The following SLCO6A1 variants were observed in gnomAD, a reference collection of about 807,000 sequenced individuals.
SLCO6A1 encodes solute carrier organic anion transporter family member 6A1.
SLCO6A1 carries 65 observed loss-of-function variants against 72.7 expected under a neutral mutation model. The ratio of observed to expected loss-of-function variants is 0.89; its 90% CI spans 0.73 to 1.10. SLCO6A1 has a LOEUF of 1.10. Ranked by LOEUF, SLCO6A1 falls within the 50% of genes least tolerant of loss-of-function variation. SLCO6A1 has a pLI of 0.00. For missense variants in SLCO6A1, 874 were observed against 872.6 expected (o/e 1.00, Z -0.02); for synonymous variants, 314 against 298.2 (o/e 1.05, Z -0.55).
At chr5:102,445,625 G>A (rs1750067313) in intron 6 of SLCO6A1, among the ~76,000 whole-genome samples, 1 of 152,016 alleles carries the variant, frequency 6.6e-6, no homozygotes, top group Non-Finnish European at 1.5e-5. Context: ...TGTTTTCAGA[G>A]TCTCCATCGT....
intron 8 of SLCO6A1, among the ~76,000 whole-genome samples, chr5:102,418,773 C>T (rs1436042599): frequency 6.6e-6 from 1 of 152,074 alleles, no homozygotes; most frequent in East Asian, 1.9e-4. Context: ...TTACCCAGCA[C>T]ACTCTAAACT....
At chr5:102,452,009 T>C (rs1240130486) in intron 6 of SLCO6A1, among the ~76,000 whole-genome samples, 1 of 152,250 alleles carries the variant, frequency 6.6e-6, no homozygotes, top group African/African-American at 2.4e-5. Context: ...GATGACTAAA[T>C]AATTTGGACA....
Position 102,498,810 on chromosome 5 carries a change from T to G in SLCO6A1, c.35A>C (p.Gln12Pro), listed in dbSNP as rs764776838. The change falls in exon 1 of 14, where the codon CAG becomes CCG. Residue 12 changes from glutamine (Q) to proline (P), a missense_variant. Physicochemically the swap from Gln to Pro is moderately conservative, Grantham distance 76 (BLOSUM62 -1). Transcript: ENST00000506729. ...CTCTACTCCCCTTGAGACTTCATCC[T>G]GGCTCCCAGAGTGCCGGGCGACGCC... The part of the protein sequence containing the change: ...FVGVARHSGS[Q>P]DEVSRGVEPL... The G allele has an allele frequency of 8.1e-6, 13 of 1,613,136 alleles. No individual in the cohort carries two copies. Among genetic ancestry groups the G allele is most frequent in the Non-Finnish European group, 1.0e-5 (12 of 1,179,824 alleles).
At chr5:102,406,216 T>C (rs537861966) in intron 9 of SLCO6A1, among the ~76,000 whole-genome samples, 7 of 152,154 alleles carry the variant, frequency 4.6e-5, no homozygotes, top group African/African-American at 1.7e-4. Context: ...AATCCATTAC[T>C]CTATGCTGGC....
chr5:102,447,173 T>A (rs11959328), intron 6 of SLCO6A1, among the ~76,000 whole-genome samples: 4,161 of 152,306 alleles, frequency 0.027, 182 homozygotes, highest in African/African-American at 0.094. Context: ...CATTTAGTGA[T>A]TTGTGTATGT....
At chr5:102,424,496 T>C (rs987599906) in intron 7 of SLCO6A1, among the ~76,000 whole-genome samples, 1 of 152,168 alleles carries the variant, frequency 6.6e-6, no homozygotes, top group South Asian at 2.1e-4. Flanking sequence ...TAAACACTTC[T>C]ATGCAAATAA....
chr5:102,459,904 C>T (rs1368301504), intron 4 of SLCO6A1, 127 bp from the exon 5 acceptor site: 4 of 717,246 alleles, frequency 5.6e-6, no homozygotes, highest in African/African-American at 1.9e-5. Context: ...AGAAATGGAA[C>T]TTTTTTTGTT....
intron 10 of SLCO6A1, among the ~76,000 whole-genome samples, chr5:102,391,800 A>T (rs1273300311): frequency 1.3e-5 from 2 of 152,044 alleles, no homozygotes; most frequent in African/African-American, 4.8e-5. Context: ...TTGACCTGTG[A>T]CTACTACACT....
At chr5:102,470,992 G>A (rs1751579456) in intron 4 of SLCO6A1, among the ~76,000 whole-genome samples, 1 of 152,040 alleles carries the variant, frequency 6.6e-6, no homozygotes, top group Non-Finnish European at 1.5e-5. Context: ...CCTCTGATTA[G>A]CCAAGATGTT....
chr5:102,436,559 T>C (rs987535847), intron 7 of SLCO6A1, among the ~76,000 whole-genome samples: 2 of 152,056 alleles, frequency 1.3e-5, no homozygotes, highest in East Asian at 3.9e-4. Flanking sequence ...TTACAGGGAG[T>C]GTAATTCGCA....
In SLCO6A1 at chr5:102,420,038, GAA is replaced by G. The variant is rs1330198406; in HGVS notation, c.1277-19_1277-18del. On this transcript the variant is annotated intron_variant, in intron 7 of 13. Coordinates refer to ENST00000506729, the MANE Select transcript of SLCO6A1 (RefSeq NM_173488.5). ...AAACAAGTCCTAAAAAAAAGGAGGA[GAA>G]AAACACAGTTAAAAATAATCAGCTG... The G allele has an allele frequency of 1.3e-6, 2 of 1,547,492 alleles. No individual in the cohort carries two copies. The highest frequency in any genetic ancestry group is 1.7e-6 in the Non-Finnish European group (2 of 1,155,428).
intron 9 of SLCO6A1, among the ~76,000 whole-genome samples, chr5:102,402,196 G>A (rs1451915873): frequency 1.3e-5 from 2 of 152,128 alleles, no homozygotes; most frequent in Non-Finnish European, 2.9e-5. Context: ...GACATTGCAT[G>A]AGGTGGGGTG....
intron 7 of SLCO6A1, among the ~76,000 whole-genome samples, chr5:102,433,456 G>A (rs1749330349): frequency 6.6e-6 from 1 of 151,922 alleles, no homozygotes; most frequent in African/African-American, 2.4e-5. Flanking sequence ...CCTATTTGAT[G>A]ACCTTGAGGG....
At chr5:102,402,403 A>G (rs879345976) in intron 9 of SLCO6A1, among the ~76,000 whole-genome samples, 1 of 152,172 alleles carries the variant, frequency 6.6e-6, no homozygotes, top group Non-Finnish European at 1.5e-5. Flanking sequence ...TAGTAGAGGT[A>G]ATGCCTGCTC....
intron 7 of SLCO6A1, among the ~76,000 whole-genome samples, chr5:102,427,723 T>C (rs950189427): frequency 5.3e-5 from 8 of 151,640 alleles, no homozygotes; most frequent in African/African-American, 1.7e-4. Context: ...TAGTTAGTAA[T>C]ATTGTATTAA....
intron 4 of SLCO6A1, among the ~76,000 whole-genome samples, chr5:102,463,027 A>G (rs1416502266): frequency 6.6e-6 from 1 of 152,222 alleles, no homozygotes; most frequent in Non-Finnish European, 1.5e-5. Flanking sequence ...TATGCATATG[A>G]CACAGGACTA....
intron 2 of SLCO6A1, 41 bp downstream of exon 2, chr5:102,480,136 A>C: frequency 6.6e-7 from 1 of 1,520,756 alleles, no homozygotes; most frequent in Non-Finnish European, 8.9e-7. Flanking sequence ...GGTTTGAATG[A>C]ATATTGATTT....
chr5:102,406,830 C>G (rs912200345), intron 9 of SLCO6A1, among the ~76,000 whole-genome samples: 1 of 151,956 alleles, frequency 6.6e-6, no homozygotes, highest in Non-Finnish European at 1.5e-5. Context: ...GCAGACACTG[C>G]GGAATAGAGG....
intron 12 of SLCO6A1, among the ~76,000 whole-genome samples, chr5:102,381,624 T>C (rs1746111275): frequency 6.6e-6 from 1 of 151,824 alleles, no homozygotes; most frequent in Admixed American, 6.6e-5. Flanking sequence ...GTGGTAGTTC[T>C]ATTTCTAATT....
Sources: allele counts gnomAD v4.1 joint callset (sites outside exome capture counted in the v4.1 genomes callset), GRCh38; gene constraint gnomAD v4.1.1; transcripts MANE v1.5; gene names NCBI Gene and HGNC (gene_info 2026-07-23, HGNC 2026-07-21).